CHIC2: variants seen among roughly 807,000 people sequenced by gnomAD.
CHIC2 encodes the protein cysteine-rich hydrophobic domain-containing protein 2.
A neutral mutation model predicts 25.9 loss-of-function variants in CHIC2; 14 were observed. The ratio of observed to expected loss-of-function variants is 0.54; its 90% CI spans 0.36 to 0.85. The LOEUF is 0.85. Among genes scored for constraint, CHIC2 ranks in the 40% least tolerant of loss-of-function variants. The pLI is 0.01. For missense variants in CHIC2, 146 were observed against 202.0 expected, an observed-to-expected ratio of 0.72 and a Z score of 1.68; for synonymous variants, 70 against 72.0, an observed-to-expected ratio of 0.97 and a Z score of 0.14.
At chr4:54,031,423 A>G (rs1716224901) in intron 3 of CHIC2, among the ~76,000 whole-genome samples, 1 of 152,092 alleles carries the variant, frequency 6.6e-6, no homozygotes, top group African/African-American at 2.4e-5. Flanking sequence ...GGCCAGATGA[A>G]TACATTTATT....
In CHIC2 at chr4:54,014,126, G is replaced by A. The variant is rs763303031; in HGVS notation, c.331-7C>T. 22 of 1,612,504 alleles carry A rather than the reference G, an allele frequency of 1.4e-5. No individual in the cohort carries two copies. The highest frequency in any genetic ancestry group is 1.7e-5 in the Non-Finnish European group (20 of 1,179,262). ...TCTCAATCGATCTTCGTGTCTGGAA[G>A]ACAAATGAGAAAAAAGTTTACTCTT... On this transcript the variant is annotated splice_polypyrimidine_tract_variant and splice_region_variant and intron_variant, in intron 3 of 5. Coordinates refer to ENST00000263921, the MANE Select transcript of CHIC2 (RefSeq NM_012110.4).
chr4:54,014,202 G>C, intron 3 of CHIC2, 83 bp from the exon 4 acceptor site: 2 of 1,145,140 alleles, frequency 1.7e-6, no homozygotes, highest in South Asian at 2.6e-5. Flanking sequence ...GTGAAAAGGG[G>C]AGAGGTATAA....
intron 3 of CHIC2, among the ~76,000 whole-genome samples, chr4:54,016,628 C>T (rs1715745680): frequency 6.6e-6 from 1 of 151,922 alleles, no homozygotes; most frequent in African/African-American, 2.4e-5. Flanking sequence ...TGTGAATTAG[C>T]ACCATCTAAT....
the CHIC2 span, among the ~76,000 whole-genome samples, chr4:54,091,106 G>A: frequency 6.6e-6 from 1 of 152,098 alleles, no homozygotes; most frequent in African/African-American, 2.4e-5. Context: ...GAACAATACT[G>A]GGGGCAGGTG....
the CHIC2 span, among the ~76,000 whole-genome samples, chr4:54,073,272 G>C: frequency 6.6e-6 from 1 of 152,086 alleles, no homozygotes; most frequent in African/African-American, 2.4e-5. Flanking sequence ...CTTAACTATT[G>C]TGATAGCCAG....
chr4:54,015,770 A>G (rs1028504929), intron 3 of CHIC2, among the ~76,000 whole-genome samples: 1 of 152,222 alleles, frequency 6.6e-6, no homozygotes, highest in Non-Finnish European at 1.5e-5. Flanking sequence ...AAGAACAAGG[A>G]GCAGACATAA....
rs113770881 is a variant in CHIC2, at chr4:54,034,724, A to G, written c.330+14231T>C. Among the ~76,000 whole-genome samples the G allele has an allele frequency of 6.4e-3, 978 of 152,246 alleles. 8 individuals are homozygous for G. The highest frequency in any genetic ancestry group is 0.022 in the African/African-American group (919 of 41,530). On this transcript the variant is annotated intron_variant, in intron 3 of 5. Coordinates refer to ENST00000263921, the MANE Select transcript of CHIC2 (RefSeq NM_012110.4). ...CCCATCAAGACAGTATTATTACTAT[A>G]CTTGTTGCTTTTTCTTGCCTTACTG...
chr4:54,036,882 G>A (rs1486357378), intron 3 of CHIC2, among the ~76,000 whole-genome samples: 1 of 151,056 alleles, frequency 6.6e-6, no homozygotes, highest in Non-Finnish European at 1.5e-5. Flanking sequence ...AAAAAAAAGT[G>A]TATGTCCCCA....
At chr4:54,049,399 T>G (rs930460483) in intron 1 of CHIC2, 94 bp from the exon 2 acceptor site, 2 of 695,420 alleles carry the variant, frequency 2.9e-6, no homozygotes, top group Admixed American at 6.1e-5. Flanking sequence ...TAGAAAGCAT[T>G]TTCACATATG....
chr4:54,011,789 C>A (rs1392362372), intron 5 of CHIC2, among the ~76,000 whole-genome samples: 1 of 151,774 alleles, frequency 6.6e-6, no homozygotes, highest in Non-Finnish European at 1.5e-5. Context: ...CCATCTCTAC[C>A]ATATCTGAAC....
At position 54,064,397 on chromosome 4, in the gene CHIC2, G is replaced by C; in HGVS notation, c.-97C>G. The C allele has an allele frequency of 6.5e-7, 1 of 1,546,616 alleles. No individual in the cohort carries two copies. The highest frequency in any genetic ancestry group is 8.7e-7 in the Non-Finnish European group (1 of 1,149,322). On this transcript the variant is annotated 5_prime_UTR_variant, in exon 1 of 6. Transcript: ENST00000263921. The surrounding 1 kb of genome is among the most constrained non-coding windows in gnomAD (Gnocchi z 4.2). Reference sequence around the variant, plus strand: ...GCGGCGGAGGCTGAGGGGAGTCGCCGCTGCCGCCGGCTCCGAGGCCGCGGA... The same window carrying C: ...GCGGCGGAGGCTGAGGGGAGTCGCCCCTGCCGCCGGCTCCGAGGCCGCGGA...
At chr4:54,085,737 A>C in the CHIC2 span, among the ~76,000 whole-genome samples, 2 of 152,156 alleles carry the variant, frequency 1.3e-5, no homozygotes, top group African/African-American at 4.8e-5. Flanking sequence ...GTGGAGGGAG[A>C]ACCTTAGCCC....
intron 3 of CHIC2, among the ~76,000 whole-genome samples, chr4:54,020,060 A>C (rs1001855387): frequency 6.6e-6 from 1 of 152,224 alleles, no homozygotes; most frequent in Non-Finnish European, 1.5e-5. Context: ...TAATTACAAA[A>C]GAAAGAATCA....
intron 5 of CHIC2, among the ~76,000 whole-genome samples, chr4:54,013,464 T>C (rs1715648871): frequency 6.6e-6 from 1 of 152,154 alleles, no homozygotes; most frequent in South Asian, 2.1e-4. Flanking sequence ...AAAGGTTTTC[T>C]TCCATACTTG....
chr4:54,050,373 TC>T (rs1716967899), intron 1 of CHIC2, among the ~76,000 whole-genome samples: 1 of 152,082 alleles, frequency 6.6e-6, no homozygotes, highest in African/African-American at 2.4e-5. Flanking sequence ...ATTCCTCCAG[TC>T]TATAGTCATA....
upstream of CHIC2, among the ~76,000 whole-genome samples, chr4:54,067,893 G>A (rs775720939): frequency 5.3e-5 from 8 of 151,472 alleles, no homozygotes; most frequent in African/African-American, 9.7e-5. Flanking sequence ...AAATGAGATC[G>A]TGCATGTACT....
chr4:54,021,410 T>G (rs1715896551), intron 3 of CHIC2, among the ~76,000 whole-genome samples: 1 of 151,994 alleles, frequency 6.6e-6, no homozygotes, highest in African/African-American at 2.4e-5. Context: ...GTCCTTTGAA[T>G]CCTCCTTTTC....
intron 3 of CHIC2, among the ~76,000 whole-genome samples, chr4:54,019,868 G>C (rs1715845949): frequency 6.6e-6 from 1 of 150,482 alleles, no homozygotes; most frequent in Admixed American, 6.6e-5. Flanking sequence ...CCTTGAATTT[G>C]GGCAGCAAAT....
chr4:54,035,081 A>G (rs927892123), intron 3 of CHIC2, among the ~76,000 whole-genome samples: 1 of 152,208 alleles, frequency 6.6e-6, no homozygotes, highest in African/African-American at 2.4e-5. Flanking sequence ...CTTCCTGGGA[A>G]GGACAATGTA....
Sources: gnomAD v4.1 joint callset for allele counts (sites outside exome capture counted in the v4.1 genomes callset) on GRCh38, gnomAD v4.1.1 for gene constraint, Gnocchi (gnomAD v3.1) non-coding constraint, MANE v1.5 for transcripts, NCBI Gene and HGNC (gene_info 2026-07-23, HGNC 2026-07-21) for gene names.